Variants in ASB4 observed in about 807,000 individuals in gnomAD.
ASB4 encodes ankyrin repeat and SOCS box protein 4.
A neutral mutation model predicts 38.6 loss-of-function variants in ASB4; 35 were observed. The observed-to-expected ratio is 0.91, with a 90% CI of 0.69 to 1.20. The LOEUF is 1.20. ASB4 is among the 50% of genes most tolerant of loss of function. The probability of loss-of-function intolerance (pLI) is 0.00; values close to 1 mark genes in which losing one functional copy is unlikely to be tolerated. For synonymous variants in ASB4, 195 were observed against 201.3 expected (o/e 0.97, Z 0.26); for missense variants, 557 against 527.2 (o/e 1.06, Z -0.55).
chr7:95,528,061 A>G lies in ASB4; in HGVS notation c.736A>G (p.Asn246Asp). ...RMLLDYKAEV[N>D]ARDDDFKSPL... The stretch of plus-strand genomic sequence containing the variant: ...GCTGCTTGACTACAAAGCCGAAGTC[A>G]ATGCCCGAGATGACGACTTTAAATC... Residue 246 changes from asparagine (N) to aspartate (D), a missense_variant, in exon 3 of 5, where the codon AAT becomes GAT. By Grantham distance (23) the Asn-to-Asp change is conservative. Transcript: ENST00000325885. 6.2e-7 allele frequency: 1 copy of G among 1,614,168 alleles called. No homozygotes were observed. The highest frequency in any genetic ancestry group is 1.1e-5 in the South Asian group (1 of 91,082).
Position 95,495,999 on chromosome 7 carries a change from T to G in ASB4, c.429T>G (p.Ala143=). 1 of 1,614,062 alleles carries G rather than the reference T, an allele frequency of 6.2e-7. No individual in the cohort carries two copies. The highest frequency in any genetic ancestry group is 8.5e-7 in the Non-Finnish European group (1 of 1,179,922). Residue 143 remains alanine (A), a synonymous_variant, in exon 2 of 5, where the codon GCT becomes GCG. Coordinates refer to ENST00000325885, the MANE Select transcript of ASB4 (RefSeq NM_016116.3). The stretch of plus-strand genomic sequence containing the variant: ...GCTACTCCTTAAGTGGACACACAGC[T>G]TTGCACTTTTGTACAACTCCAAGTT... The part of the protein sequence containing the change: ...LNCYSLSGHT[A]LHFCTTPSSI...
chr7:95,548,256 C>G, the ASB4 span, among the ~76,000 whole-genome samples: 1 of 152,188 alleles, frequency 6.6e-6, no homozygotes, highest in Non-Finnish European at 1.5e-5. Flanking sequence ...TTTAGCCATT[C>G]TGATAGGTAA....
chr7:95,490,685 T>C (rs987975882), intron 1 of ASB4, among the ~76,000 whole-genome samples: 3 of 152,232 alleles, frequency 2.0e-5, no homozygotes, highest in African/African-American at 7.2e-5. Flanking sequence ...CTCCAAACGC[T>C]GGAGCAGAAC....
the ASB4 span, among the ~76,000 whole-genome samples, chr7:95,549,317 G>C: frequency 2.9e-5 from 1 of 34,448 alleles, no homozygotes; most frequent in African/African-American, 2.6e-4. Context: ...TTTTTTTTGA[G>C]ATGGAGTCTC....
chr7:95,545,444 C>T, the ASB4 span, among the ~76,000 whole-genome samples: 3 of 152,134 alleles, frequency 2.0e-5, no homozygotes, highest in Non-Finnish European at 4.4e-5. Context: ...AACAACATTG[C>T]AGTTAGTTTC....
At chr7:95,491,422 C>G (rs1237181580) in intron 1 of ASB4, among the ~76,000 whole-genome samples, 1 of 152,170 alleles carries the variant, frequency 6.6e-6, no homozygotes, top group Non-Finnish European at 1.5e-5. Flanking sequence ...CCCCGGTTCT[C>G]CCTCACCTCT....
At chr7:95,503,013 A>G (rs1384091818) in intron 2 of ASB4, among the ~76,000 whole-genome samples, 3 of 152,204 alleles carry the variant, frequency 2.0e-5, no homozygotes, top group Non-Finnish European at 4.4e-5. Context: ...AGGTTGTAAA[A>G]AGCAGCTTAT....
intron 3 of ASB4, 30 bp downstream of exon 3, chr7:95,528,333 G>A (rs376367154): frequency 1.2e-6 from 2 of 1,612,928 alleles, no homozygotes; most frequent in African/African-American, 2.7e-5. Flanking sequence ...TCAGCAGGTT[G>A]AGGAAGATTC....
intron 2 of ASB4, among the ~76,000 whole-genome samples, chr7:95,503,639 G>A (rs1050263582): frequency 1.3e-5 from 2 of 152,194 alleles, no homozygotes; most frequent in Non-Finnish European, 1.5e-5. Context: ...CTCTGGGGGA[G>A]AACTCAAATA....
chr7:95,479,847 A>G (rs1009113000), intron 1 of ASB4, among the ~76,000 whole-genome samples: 1 of 152,176 alleles, frequency 6.6e-6, no homozygotes, highest in Non-Finnish European at 1.5e-5. Context: ...ATTGAGCTTC[A>G]AAAATATCTG....
chr7:95,516,630 T>G (rs1175049517), intron 2 of ASB4, among the ~76,000 whole-genome samples: 2 of 152,222 alleles, frequency 1.3e-5, no homozygotes, highest in African/African-American at 4.8e-5. Flanking sequence ...CTGTTTTCAA[T>G]ATGGCTTAAA....
chr7:95,491,576 A>C (rs1790172121), intron 1 of ASB4, among the ~76,000 whole-genome samples: 1 of 152,220 alleles, frequency 6.6e-6, no homozygotes, highest in Non-Finnish European at 1.5e-5. Flanking sequence ...TGTGGGAAGA[A>C]GGGAGTGTGT....
chr7:95,524,308 A>C (rs1247574987), intron 2 of ASB4, among the ~76,000 whole-genome samples: 1 of 152,188 alleles, frequency 6.6e-6, no homozygotes, highest in African/African-American at 2.4e-5. Flanking sequence ...ACAAATGAGA[A>C]CTAAACAGCA....
At chr7:95,484,063 C>G (rs971137457), upstream of ASB4, among the ~76,000 whole-genome samples, 2 of 150,256 alleles carry the variant, frequency 1.3e-5, no homozygotes, top group Non-Finnish European at 2.9e-5. Context: ...CATAGTGGCT[C>G]ATGGCTGTAA....
intron 2 of ASB4, among the ~76,000 whole-genome samples, chr7:95,523,902 C>T (rs1790697768): frequency 6.6e-6 from 1 of 152,122 alleles, no homozygotes; most frequent in Admixed American, 6.5e-5. Context: ...ACGTGTCTAA[C>T]TTCATTGGTA....
chr7:95,544,769 A>G (rs1360028641), downstream of ASB4, among the ~76,000 whole-genome samples: 1 of 152,072 alleles, frequency 6.6e-6, no homozygotes, highest in African/African-American at 2.4e-5. Flanking sequence ...ATCTCGGCTC[A>G]CTGCAACCTC....
Position 95,540,208 on chromosome 7 carries a change from A to T in ASB4, c.*2449A>T, listed in dbSNP as rs1249623306. ...CTTTGAACTTTTATTTAGAGAACTTAAATAAAGCTCTTCTGTCTCCTTTCA... is the reference window on the plus strand; with the variant it reads ...CTTTGAACTTTTATTTAGAGAACTTTAATAAAGCTCTTCTGTCTCCTTTCA... On this transcript the variant is annotated 3_prime_UTR_variant, in exon 5 of 5. Transcript: ENST00000325885. 2.6e-5 allele frequency: 4 copies of T among 152,282 alleles called. No individual in the cohort carries two copies. Among genetic ancestry groups the T allele is most frequent in the African/African-American group, 7.2e-5 (3 of 41,560 alleles). The allele number at this position is 152,282 out of a possible 1,614,324, so 9.4% of individuals were successfully genotyped here.
chr7:95,480,407 A>G (rs1179941491), intron 1 of ASB4, among the ~76,000 whole-genome samples: 1 of 152,122 alleles, frequency 6.6e-6, no homozygotes, highest in African/African-American at 2.4e-5. Flanking sequence ...TGGTTTTCAC[A>G]CCTTTAACAA....
upstream of ASB4, chr7:95,485,798 T>A (rs894377378): frequency 1.5e-5 from 8 of 545,796 alleles, no homozygotes; most frequent in African/African-American, 1.5e-4. Flanking sequence ...GAAAATGTAG[T>A]GACAGCCAAG....
Sources: allele counts gnomAD v4.1 joint callset (sites outside exome capture counted in the v4.1 genomes callset), GRCh38; gene constraint gnomAD v4.1.1; transcripts MANE v1.5; gene names NCBI Gene and HGNC (gene_info 2026-07-23, HGNC 2026-07-21).